Variants in FBXL17 observed in about 807,000 individuals in gnomAD.
The protein encoded by FBXL17 is F-box and leucine rich repeat protein 17.
FBXL17 carries 22 observed loss-of-function variants against 66.2 expected under a neutral mutation model. The observed-to-expected ratio is 0.33, with a 90% CI of 0.24 to 0.47. The LOEUF is 0.47. Ranked by LOEUF, FBXL17 falls within the 20% of genes least tolerant of loss-of-function variation. FBXL17 has a pLI of 1.00. For synonymous variants in FBXL17, 474 were observed against 400.5 expected (o/e 1.18, Z -2.19); for missense variants, 878 against 948.2 (o/e 0.93, Z 0.97).
chr5:108,047,931 C>T (rs542748832), intron 6 of FBXL17, among the ~76,000 whole-genome samples: 1 of 152,236 alleles, frequency 6.6e-6, no homozygotes, highest in Admixed American at 6.5e-5. Context: ...CACCCCTCCA[C>T]CAAGGAACAG....
At chr5:108,015,308 GA>G (rs374015632) in intron 7 of FBXL17, among the ~76,000 whole-genome samples, 81 of 151,562 alleles carry the variant, frequency 5.3e-4, no homozygotes, top group African/African-American at 1.9e-3. Context: ...TAATAGAATG[GA>G]AAAAAAAGTG....
At chr5:108,148,361 T>C (rs1751641687) in intron 6 of FBXL17, among the ~76,000 whole-genome samples, 1 of 152,318 alleles carries the variant, frequency 6.6e-6, no homozygotes, top group South Asian at 2.1e-4. Context: ...ATAAGGCTAG[T>C]GCTCCACTTT....
chr5:108,234,213 T>C (rs998700488), intron 4 of FBXL17, among the ~76,000 whole-genome samples: 1 of 152,056 alleles, frequency 6.6e-6, no homozygotes, highest in Non-Finnish European at 1.5e-5. Context: ...GGAGATTCAG[T>C]CTCTAGACGG....
chr5:108,250,843 C>T (rs1030123577), intron 4 of FBXL17, among the ~76,000 whole-genome samples: 21 of 152,002 alleles, frequency 1.4e-4, no homozygotes, highest in African/African-American at 5.1e-4. Context: ...CAGTTTCATA[C>T]TTGATACATT....
chr5:108,292,132 T>C (rs1050958697), intron 4 of FBXL17, among the ~76,000 whole-genome samples: 2 of 152,028 alleles, frequency 1.3e-5, no homozygotes, highest in African/African-American at 2.4e-5. Context: ...AAAGCTTTTT[T>C]TTTTTTTGGA....
At chr5:108,248,690 C>T (rs1267556404) in intron 4 of FBXL17, among the ~76,000 whole-genome samples, 2 of 152,002 alleles carry the variant, frequency 1.3e-5, no homozygotes, top group Admixed American at 6.6e-5. Flanking sequence ...CGAAAATAAT[C>T]CTGAAAGCAG....
intron 6 of FBXL17, among the ~76,000 whole-genome samples, chr5:108,171,490 G>GT (rs1461135553): frequency 6.6e-6 from 1 of 152,124 alleles, no homozygotes; most frequent in Non-Finnish European, 1.5e-5. Context: ...ATGTCATGGA[G>GT]TTAATGTGAT....
At chr5:108,239,877 G>A (rs1414695189) in intron 4 of FBXL17, among the ~76,000 whole-genome samples, 1 of 151,958 alleles carries the variant, frequency 6.6e-6, no homozygotes, top group African/African-American at 2.4e-5. Context: ...CAGCCCCAGT[G>A]AGGTAGAGCA....
chr5:108,347,263 A>G (rs1224092462), intron 4 of FBXL17, among the ~76,000 whole-genome samples: 1 of 152,170 alleles, frequency 6.6e-6, no homozygotes, highest in Non-Finnish European at 1.5e-5. Flanking sequence ...CTGTAATACA[A>G]TGGTATTTCT....
chr5:108,161,543 A>G (rs1005760185), intron 6 of FBXL17, among the ~76,000 whole-genome samples: 2 of 88,860 alleles, frequency 2.3e-5, no homozygotes, highest in African/African-American at 4.5e-5. Context: ...TCTTTTCACA[A>G]ATTGCTACCC....
At chr5:107,954,368 G>A (rs1460678263) in intron 7 of FBXL17, among the ~76,000 whole-genome samples, 2 of 152,166 alleles carry the variant, frequency 1.3e-5, no homozygotes, top group Non-Finnish European at 2.9e-5. Flanking sequence ...AAATAGCAAT[G>A]ACTTTAAAAG....
intron 4 of FBXL17, among the ~76,000 whole-genome samples, chr5:108,295,999 G>C (rs1250696289): frequency 6.8e-6 from 1 of 146,934 alleles, no homozygotes; most frequent in African/African-American, 2.5e-5. Context: ...GTGCTAGTAA[G>C]AATAGGGTGG....
At chr5:108,057,342 T>A (rs111733398) in intron 6 of FBXL17, among the ~76,000 whole-genome samples, 3,271 of 152,276 alleles carry the variant, frequency 0.021, 113 homozygotes, top group African/African-American at 0.075. Context: ...TAATGACATA[T>A]CTTAAGCATG....
Position 107,942,740 on chromosome 5 carries a change from G to C in FBXL17, c.1823-61561C>G, listed in dbSNP as rs960578762. ...TTATTTTAACGATCTCCCATTCTCT[G>C]TGTACAAACAGGCACAATTATCTCC... On this transcript the variant is annotated intron_variant, in intron 7 of 8. Transcript: ENST00000542267. Among the ~76,000 whole-genome samples the C allele has an allele frequency of 2.0e-5, 3 of 148,950 alleles. No homozygotes were observed. The Admixed American group carries it at 2.0e-4, about 10-fold the overall frequency.
At chr5:107,868,295 G>C (rs1024439320) in intron 8 of FBXL17, among the ~76,000 whole-genome samples, 1 of 152,132 alleles carries the variant, frequency 6.6e-6, no homozygotes, top group Non-Finnish European at 1.5e-5. Flanking sequence ...ACTGACATTC[G>C]TTTTTTTACT....
rs531061196 is a variant in FBXL17 at position 108,314,015 on chromosome 5, T to A, written c.1506+34384A>T. Among the ~76,000 whole-genome samples the A allele has an allele frequency of 1.8e-4, 27 of 151,962 alleles. 2 individuals carry two copies. The South Asian group carries it at 5.6e-3, about 31-fold the overall frequency. On this transcript the variant is annotated intron_variant, in intron 4 of 8. Transcript: ENST00000542267. ...GGAGATATTATATTTGGTGGCAAAA[T>A]GTTAAACATTATTAAATCTGGGTAA...
At chr5:108,315,195 A>G (rs1380914942) in intron 4 of FBXL17, among the ~76,000 whole-genome samples, 11 of 151,148 alleles carry the variant, frequency 7.3e-5, no homozygotes, top group African/African-American at 2.7e-4. Flanking sequence ...TAAAAAATCA[A>G]AAAAGGAATT....
At chr5:108,294,515 C>T (rs1758265836) in intron 4 of FBXL17, among the ~76,000 whole-genome samples, 1 of 151,818 alleles carries the variant, frequency 6.6e-6, no homozygotes. Context: ...TTGAGGAGAA[C>T]TGTCTAGGTT....
chr5:107,946,255 T>TTTTATATATATATA (rs1208616623), intron 7 of FBXL17, among the ~76,000 whole-genome samples: 1 of 40,390 alleles, frequency 2.5e-5, no homozygotes, highest in Non-Finnish European at 4.4e-5. Flanking sequence ...CAATCTCATT[T>TTTTATATATATATA]TATATATATA....
Sources: allele counts gnomAD v4.1 joint callset (sites outside exome capture counted in the v4.1 genomes callset), GRCh38; gene constraint gnomAD v4.1.1; transcripts MANE v1.5; gene names NCBI Gene and HGNC (gene_info 2026-07-23, HGNC 2026-07-21).